The following SLC5A2 variants were observed in gnomAD, a reference collection of about 807,000 sequenced individuals.
SLC5A2 encodes the protein solute carrier family 5 member 2.
A neutral mutation model predicts 69.0 loss-of-function variants in SLC5A2; 67 were observed. The ratio of observed to expected loss-of-function variants is 0.97; its 90% CI spans 0.80 to 1.19. The LOEUF (loss-of-function observed/expected upper bound fraction) is 1.19. SLC5A2 is among the 50% of genes most tolerant of loss of function. The probability of loss-of-function intolerance (pLI) is 0.00; values close to 1 mark genes in which losing one functional copy is unlikely to be tolerated. For missense variants in SLC5A2, 1,001 were observed against 921.5 expected, an observed-to-expected ratio of 1.09 and a Z score of -1.12; for synonymous variants, 455 against 395.8, an observed-to-expected ratio of 1.15 and a Z score of -1.78.
At position 31,490,591 on chromosome 16, in the gene SLC5A2, G is replaced by A; in HGVS notation, c.*56G>A. The A allele has an allele frequency of 7.0e-7, 1 of 1,421,122 alleles. No homozygotes were observed. Among genetic ancestry groups the A allele is most frequent in the South Asian group, 1.2e-5 (1 of 83,390 alleles). The allele number at this position is 1,421,122 out of a possible 1,614,324, so 88.0% of individuals were successfully genotyped here. On this transcript the variant is annotated 3_prime_UTR_variant, in exon 14 of 14. Coordinates refer to ENST00000330498, the MANE Select transcript of SLC5A2 (RefSeq NM_003041.4). ...GCCTCACAGGAAGTGGGGGTGAGGA[G>A]CCTGCGGTGCTCCCCAGAAAAGGGG...
intron 3 of SLC5A2, chr16:31,485,496 G>T (rs1382906839): frequency 3.4e-6 from 2 of 595,050 alleles, no homozygotes; most frequent in Admixed American, 5.9e-5. Context: ...TGGGAAAAAC[G>T]GGCCAGAAGT....
intron 5 of SLC5A2, 100 bp from the exon 6 acceptor site, chr16:31,487,220 G>A: frequency 1.8e-6 from 2 of 1,130,820 alleles, no homozygotes; most frequent in Non-Finnish European, 2.7e-6. Flanking sequence ...TTATTCTCCA[G>A]GAAGGGGAAC....
chr16:31,489,940 G>A lies in SLC5A2; in HGVS notation c.1666-164G>A, dbSNP rs1170926573. On this transcript the variant is annotated intron_variant, in intron 12 of 13. Coordinates refer to ENST00000330498, the MANE Select transcript of SLC5A2 (RefSeq NM_003041.4). ...CTTGGGGTTTATCCCGAGGGCACAG[G>A]GCAGCCATGTAGGGTGGAGTTGGCA... 9.0e-6 allele frequency: 8 copies of A among 890,150 alleles called. No homozygotes were observed. The African/African-American group carries it at 1.3e-4, about 15-fold the overall frequency. The allele number at this position is 890,150 out of a possible 1,614,324, so 55.1% of individuals were successfully genotyped here. A position where few individuals can be genotyped will look rare whatever the true frequency, so the allele number is the denominator to read the frequency against.
Position 31,488,749 on chromosome 16 carries a change from C to T in SLC5A2, c.1257C>T (p.Asp419=). 1.2e-6 allele frequency: 2 copies of T among 1,604,764 alleles called. No homozygotes were observed. Among genetic ancestry groups the T allele is most frequent in the Non-Finnish European group, 8.5e-7 (1 of 1,177,340 alleles). ...CGCGCCTGCGGCCACGCGCCGGCGA[C>T]CGCGAGCTGCTGCTGGTGGGACGGT... The part of the protein sequence containing the change: ...IYTRLRPRAG[D]RELLLVGRLW... The change falls in exon 10 of 14, where the codon GAC becomes GAT. Residue 419 remains aspartate (D), a synonymous_variant. Transcript: ENST00000330498.
At position 31,488,704 on chromosome 16, in the gene SLC5A2, C is replaced by A; in HGVS notation, c.1212C>A (p.Leu404=). 1 of 1,611,644 alleles carries A rather than the reference C, an allele frequency of 6.2e-7. No individual in the cohort carries two copies. The highest frequency in any genetic ancestry group is 8.5e-7 in the Non-Finnish European group (1 of 1,179,198). ...LASIFNSSST[L]FTMDIYTRLR... is the part of the protein sequence containing the mutation. ...CCATCTTCAACAGCAGCAGCACGCT[C>A]TTCACCATGGACATCTACACGCGCC... The change falls in exon 10 of 14, where the codon CTC becomes CTA. Residue 404 remains leucine (L), a synonymous_variant. Coordinates refer to ENST00000330498, the MANE Select transcript of SLC5A2 (RefSeq NM_003041.4).
At chr16:31,489,921 G>A (rs1409091416) in intron 12 of SLC5A2, 183 bp from the exon 13 acceptor site, 1 of 762,208 alleles carries the variant, frequency 1.3e-6, no homozygotes, top group African/African-American at 1.7e-5. Context: ...GGGGCTTGGG[G>A]TTTATCCCGA....
rs766282674 is a variant in SLC5A2 at position 31,487,514 on chromosome 16, C to G, written c.656-16C>G. ...GAGGGTCCTAAGGAGGGTCCCCTGA[C>G]GGCCTTGCCCGGCAGCCTTCCACGA... On this transcript the variant is annotated splice_polypyrimidine_tract_variant and intron_variant, in intron 6 of 13. Transcript: ENST00000330498. The G allele has an allele frequency of 1.2e-6, 2 of 1,613,280 alleles. No individual in the cohort carries two copies. Among genetic ancestry groups the G allele is most frequent in the South Asian group, 1.1e-5 (1 of 91,082 alleles).
intron 8 of SLC5A2, 23 bp downstream of exon 8, chr16:31,488,196 T>C: frequency 6.2e-7 from 1 of 1,613,928 alleles, no homozygotes; most frequent in Non-Finnish European, 8.5e-7. Flanking sequence ...CCCCGCCCCT[T>C]TCCTGTGCCA....
intron 6 of SLC5A2, 49 bp downstream of exon 6, chr16:31,487,449 C>T (rs764173216): frequency 6.2e-7 from 1 of 1,610,300 alleles, no homozygotes. Flanking sequence ...GGTCGCGGAG[C>T]TCTCGGCCTG....
rs1422685101 is a variant in SLC5A2 at position 31,489,142 on chromosome 16, T to C, written c.1469T>C (p.Ile490Thr). Residue 490 changes from isoleucine (I) to threonine (T), a missense_variant, in exon 12 of 14, where the codon ATC becomes ACC. Physicochemically the swap from Ile to Thr is moderately conservative, Grantham distance 89. Coordinates refer to ENST00000330498, the MANE Select transcript of SLC5A2 (RefSeq NM_003041.4). Reference protein sequence around the residue: ...VNEQGAFWGLIGGLLMGLARL... With the variant: ...VNEQGAFWGLTGGLLMGLARL... ...TCGCAGGGCGCCTTCTGGGGACTCA[T>C]CGGGGGCCTGCTGATGGGCCTGGCA... 1.9e-6 allele frequency: 3 copies of C among 1,609,236 alleles called. No homozygotes were observed. The Admixed American group carries it at 5.0e-5, about 27-fold the overall frequency.
rs774009611 is a variant in SLC5A2 at position 31,486,267 on chromosome 16, C to G, written c.566C>G (p.Thr189Arg). Residue 189 changes from threonine (T) to arginine (R), a missense_variant, in exon 5 of 14, where the codon ACG (threonine) becomes AGG (arginine). By Grantham distance (71) the Thr-to-Arg change is moderately conservative. Transcript: ENST00000330498. ...CTTCTGGGCATCACCATGATTTACACGGTGACAGGTGCCAGCAGGGGCTTA... is the reference window on the plus strand; with the variant it reads ...CTTCTGGGCATCACCATGATTTACAGGGTGACAGGTGCCAGCAGGGGCTTA... ...IALLGITMIY[T>R]VTGGLAALMY... is the part of the protein sequence containing the mutation. 1 of 1,610,670 alleles carries G rather than the reference C, an allele frequency of 6.2e-7. No homozygotes were observed. The highest frequency in any genetic ancestry group is 8.5e-7 in the Non-Finnish European group (1 of 1,177,202).
intron 3 of SLC5A2, 54 bp downstream of exon 3, chr16:31,484,977 G>A (rs2082484600): frequency 6.7e-7 from 1 of 1,494,640 alleles, no homozygotes; most frequent in East Asian, 2.3e-5. Context: ...ACCTGGAAGG[G>A]TCACACCTTG....
In SLC5A2 at chr16:31,489,137, A is replaced by G. The variant is rs1270811177; in HGVS notation, c.1464A>G (p.Gly488=). Residue 488 remains glycine (G), a synonymous_variant, in exon 12 of 14, where the codon GGA becomes GGG. Transcript: ENST00000330498. ...PRVNEQGAFW[G]LIGGLLMGLA... ...TTCCTTCGCAGGGCGCCTTCTGGGG[A>G]CTCATCGGGGGCCTGCTGATGGGCC... is the stretch of plus-strand genomic sequence containing the variant. 6.2e-7 allele frequency: 1 copy of G among 1,608,488 alleles called. No homozygotes were observed. The highest frequency in any genetic ancestry group is 8.5e-7 in the Non-Finnish European group (1 of 1,179,894).
rs774567635 is a variant in SLC5A2 at position 31,489,197 on chromosome 16, G to C, written c.1524G>C (p.Ser508=). The C allele has an allele frequency of 1.4e-5, 22 of 1,610,080 alleles. No individual in the cohort carries two copies. The highest frequency in any genetic ancestry group is 1.8e-5 in the Non-Finnish European group (21 of 1,179,998). ...ARLIPEFSFG[S]GSCVQPSACP... is the part of the protein sequence containing the mutation. Reference sequence around the variant, plus strand: ...TGATTCCCGAGTTCTCCTTCGGCTCGGGCAGCTGTGTGCAGCCCTCGGCGT... The same window carrying C: ...TGATTCCCGAGTTCTCCTTCGGCTCCGGCAGCTGTGTGCAGCCCTCGGCGT... Residue 508 remains serine (S), a synonymous_variant, in exon 12 of 14, where the codon TCG becomes TCC. Transcript: ENST00000330498.
intron 9 of SLC5A2, 27 bp downstream of exon 9, chr16:31,488,517 C>G: frequency 1.2e-6 from 2 of 1,602,574 alleles, no homozygotes; most frequent in Non-Finnish European, 8.5e-7. Context: ...GCCACAGGCG[C>G]AAGCTCGCTG....
rs772382760 is a variant in SLC5A2 at position 31,488,676 on chromosome 16, C to T, written c.1184C>T (p.Ala395Val). The T allele has an allele frequency of 3.1e-6, 5 of 1,612,660 alleles. No individual in the cohort carries two copies. The highest frequency in any genetic ancestry group is 1.1e-5 in the South Asian group (1 of 91,070). ...VMLAALMSSL[A>V]SIFNSSSTLF... ...CTGGCCGCGCTCATGTCCTCGCTGG[C>T]CTCCATCTTCAACAGCAGCAGCACG... is the stretch of plus-strand genomic sequence containing the variant. Residue 395 changes from alanine to valine, a missense_variant, in exon 10 of 14, where the codon GCC becomes GTC. By Grantham distance (64) the Ala-to-Val change is moderately conservative. Transcript: ENST00000330498.
chr16:31,490,255 G>C (rs1478184130), intron 13 of SLC5A2, 25 bp downstream of exon 13: 2 of 1,614,048 alleles, frequency 1.2e-6, no homozygotes, highest in South Asian at 2.2e-5. Context: ...TGGGAGGTGG[G>C]GCTGGAGGAG....
chr16:31,484,441 A>G (rs138578171), intron 1 of SLC5A2, among the ~76,000 whole-genome samples: 3,515 of 152,024 alleles, frequency 0.023, 146 homozygotes, highest in African/African-American at 0.081. Context: ...GAAAAAAAAA[A>G]AAAGAAAGAA....
intron 12 of SLC5A2, 93 bp downstream of exon 12, chr16:31,489,431 G>T: frequency 8.5e-7 from 1 of 1,180,068 alleles, no homozygotes; most frequent in Non-Finnish European, 1.2e-6. Context: ...TGAATTTCTC[G>T]ACTGAGGGTT....
Sources: gnomAD v4.1 joint callset for allele counts (sites outside exome capture counted in the v4.1 genomes callset) on GRCh38, gnomAD v4.1.1 for gene constraint, MANE v1.5 for transcripts, NCBI Gene and HGNC (gene_info 2026-07-23, HGNC 2026-07-21) for gene names.